The following KRR1 variants were observed in gnomAD, a reference collection of about 807,000 sequenced individuals.
KRR1 encodes KRR1 small subunit processome component.
KRR1 carries 23 observed loss-of-function variants against 50.0 expected under a neutral mutation model. The observed-to-expected ratio is 0.46, with a 90% CI of 0.33 to 0.65. The LOEUF (loss-of-function observed/expected upper bound fraction) is 0.65. Among genes scored for constraint, KRR1 ranks in the 30% least tolerant of loss-of-function variants. The pLI is 0.02. For missense variants in KRR1, 419 were observed against 442.4 expected, an observed-to-expected ratio of 0.95 and a Z score of 0.47; for synonymous variants, 133 against 146.3, an observed-to-expected ratio of 0.91 and a Z score of 0.66.
chr12:75,498,883 C>CTCTT lies in KRR1; in HGVS notation c.*922_*925dup, dbSNP rs757998994. The CTCTT allele has an allele frequency of 1.9e-6, 3 of 1,610,532 alleles. No homozygotes were observed. Among genetic ancestry groups the CTCTT allele is most frequent in the African/African-American group, 2.7e-5 (2 of 74,920 alleles). On this transcript the variant is annotated 3_prime_UTR_variant, in exon 10 of 10. Transcript: ENST00000229214. The stretch of plus-strand genomic sequence containing the variant: ...ATATCCACGTAACAGATACACTTCT[C>CTCTT]TCTTTCTCATTGTTAATTCAGTAAT...
chr12:75,498,879 TTC>T lies in KRR1; in HGVS notation c.*928_*929del. 6.2e-7 allele frequency: 1 copy of T among 1,610,640 alleles called. No individual in the cohort carries two copies. The highest frequency in any genetic ancestry group is 8.5e-7 in the Non-Finnish European group (1 of 1,177,090). The stretch of plus-strand genomic sequence containing the variant: ...CCATATATCCACGTAACAGATACAC[TTC>T]TCTCTTTCTCATTGTTAATTCAGTA... On this transcript the variant is annotated 3_prime_UTR_variant, in exon 10 of 10. Transcript: ENST00000229214.
Position 75,509,796 on chromosome 12 carries a change from T to C in KRR1, c.86-1350A>G, listed in dbSNP as rs373159024. Among the ~76,000 whole-genome samples, 107 of 151,124 alleles carry C rather than the reference T, an allele frequency of 7.1e-4. 1 individual carries two copies. The highest frequency in any genetic ancestry group is 2.5e-3 in the African/African-American group (104 of 41,022). ...TTTTTGTAGCGAAAGGGTTTTGCCA[T>C]GTTGACCAGACTGGTCTCCTGGGCT... On this transcript the variant is annotated intron_variant, in intron 1 of 9. Transcript: ENST00000229214.
At chr12:75,505,344 T>C in intron 5 of KRR1, 90 bp from the exon 6 acceptor site, 1 of 1,248,168 alleles carries the variant, frequency 8.0e-7, no homozygotes, top group South Asian at 1.5e-5. Context: ...AGGTAATGGG[T>C]ACCAAATTAA....
Position 75,496,277 on chromosome 12 carries a change from C to T in KRR1, c.*3532G>A, listed in dbSNP as rs1234601382. On this transcript the variant is annotated 3_prime_UTR_variant, in exon 10 of 10. Coordinates refer to ENST00000229214, the MANE Select transcript of KRR1 (RefSeq NM_007043.7). ...GGCTGAGGCAGGACAATCACTTGAG[C>T]CCAGGAGGTGGAGGTTGCAGTGAGC... The T allele has an allele frequency of 1.3e-5, 2 of 152,050 alleles. No homozygotes were observed. The highest frequency in any genetic ancestry group is 2.9e-5 in the Non-Finnish European group (2 of 68,158). 9.4% of individuals were successfully genotyped at this position (152,050 alleles called of 1,614,324 possible).
Position 75,498,319 on chromosome 12 carries a change from CA to C in KRR1, c.*1489del, listed in dbSNP as rs2046364284. 1 of 166,030 alleles carries C rather than the reference CA, an allele frequency of 6.0e-6. No homozygotes were observed. Among genetic ancestry groups the C allele is most frequent in the East Asian group, 1.8e-4 (1 of 5,672 alleles). 10.3% of individuals were successfully genotyped at this position (166,030 alleles called of 1,614,324 possible). A position where few individuals can be genotyped will look rare whatever the true frequency, so the allele number is the denominator to read the frequency against. ...CTTTTCACTATGGATTCATCATAAA[CA>C]GTATCATTCTTCTCAGGAAGAAACT... On this transcript the variant is annotated 3_prime_UTR_variant, in exon 10 of 10. Coordinates refer to ENST00000229214, the MANE Select transcript of KRR1 (RefSeq NM_007043.7).
chr12:75,506,600 T>G lies in KRR1; in HGVS notation c.403A>C (p.Ile135Leu). Reference sequence around the variant, plus strand: ...TCACATGCAACATCATCCTGAAGAATTCGTACTGCCTTTTGCAAAAAAAAA... The same window carrying G: ...TCACATGCAACATCATCCTGAAGAAGTCGTACTGCCTTTTGCAAAAAAAAA... ...RSVSFEQAVRILQDDVACDII... is the reference protein window; with the variant it reads ...RSVSFEQAVRLLQDDVACDII... Residue 135 changes from isoleucine to leucine, a missense_variant, in exon 4 of 10, where the codon ATT (isoleucine) becomes CTT (leucine). Transcript: ENST00000229214. 6.8e-7 allele frequency: 1 copy of G among 1,466,006 alleles called. No homozygotes were observed. Among genetic ancestry groups the G allele is most frequent in the Non-Finnish European group, 9.2e-7 (1 of 1,091,890 alleles). The allele number at this position is 1,466,006 out of a possible 1,614,324, so 90.8% of individuals were successfully genotyped here. A position where few individuals can be genotyped will look rare whatever the true frequency, so the allele number is the denominator to read the frequency against.
intron 9 of KRR1, 147 bp from the exon 10 acceptor site, chr12:75,500,098 AAAATATAAAAACACTTG>A (rs1594065285): frequency 1.1e-5 from 6 of 559,276 alleles, no homozygotes; most frequent in East Asian, 1.0e-4. Context: ...ATCACAGTAT[AAAATATAAAAACACTTG>A]CCTAAAGCAG....
rs1302281696 is a variant in KRR1 at position 75,495,811 on chromosome 12, T to A, written c.*3998A>T. The A allele has an allele frequency of 3.2e-5, 16 of 498,956 alleles. No individual in the cohort carries two copies. The highest frequency in any genetic ancestry group is 1.0e-4 in the Admixed American group (3 of 29,172). The allele number at this position is 498,956 out of a possible 1,614,324, so 30.9% of individuals were successfully genotyped here. On this transcript the variant is annotated 3_prime_UTR_variant, in exon 10 of 10. Coordinates refer to ENST00000229214, the MANE Select transcript of KRR1 (RefSeq NM_007043.7). ...CAATTAAACCAATGGCTTACTGTTC[T>A]AGGAATACATTTAAGAGAAATTTAA...
At chr12:75,506,233 A>T in intron 5 of KRR1, 83 bp downstream of exon 5, 1 of 763,584 alleles carries the variant, frequency 1.3e-6, no homozygotes, top group Non-Finnish European at 2.1e-6. Context: ...ATAAAATTAT[A>T]AAGCATTATC....
Position 75,499,840 on chromosome 12 carries a change from G to A in KRR1, c.1115C>T (p.Ala372Val). The A allele has an allele frequency of 6.2e-7, 1 of 1,603,898 alleles. No homozygotes were observed. Among genetic ancestry groups the A allele is most frequent in the Non-Finnish European group, 8.5e-7 (1 of 1,175,970 alleles). Reference sequence around the variant, plus strand: ...TTTTTTCTTCTTTTTCTTTTCATCTGCCTCCATCTTAAGTGCAATTTCTTC... The same window carrying A: ...TTTTTTCTTCTTTTTCTTTTCATCTACCTCCATCTTAAGTGCAATTTCTTC... ...TAEEIALKME[A>V]DEKKKKKKK Residue 372 changes from alanine to valine, a missense_variant, in exon 10 of 10, where the codon GCA becomes GTA. Coordinates refer to ENST00000229214, the MANE Select transcript of KRR1 (RefSeq NM_007043.7).
intron 1 of KRR1, among the ~76,000 whole-genome samples, chr12:75,511,057 G>GTCTT (rs370610456): frequency 1.9e-4 from 29 of 152,116 alleles, no homozygotes; most frequent in African/African-American, 6.7e-4. Flanking sequence ...CTTTCAAAAT[G>GTCTT]TCTTTACTGA....
In KRR1 at chr12:75,498,837, T is replaced by C. The variant is rs1160169455; in HGVS notation, c.*972A>G. The C allele has an allele frequency of 6.2e-6, 10 of 1,612,720 alleles. No individual in the cohort carries two copies. The highest frequency in any genetic ancestry group is 8.5e-6 in the Non-Finnish European group (10 of 1,179,078). ...TTTGTTTCACAGGTTACTACTCTGTTGTATATCCAGGCTGGCCCATATATC... is the reference window on the plus strand; with the variant it reads ...TTTGTTTCACAGGTTACTACTCTGTCGTATATCCAGGCTGGCCCATATATC... On this transcript the variant is annotated 3_prime_UTR_variant, in exon 10 of 10. Transcript: ENST00000229214.
chr12:75,501,535 A>AAAT (rs2046394000), intron 9 of KRR1, 188 bp downstream of exon 9: 1 of 561,620 alleles, frequency 1.8e-6, no homozygotes, highest in South Asian at 2.3e-5. Context: ...GTTTGCACTG[A>AAAT]AATAGGCATT....
rs35071517 is a variant in KRR1, at chr12:75,506,616, C to CAAAAAAAAAAAAAAAAAAAAAAAA, written c.394-8_394-7insTTTTTTTTTTTTTTTTTTTTTTTT. 2.9e-6 allele frequency: 4 copies of CAAAAAAAAAAAAAAAAAAAAAAAA among 1,372,774 alleles called. No homozygotes were observed. In the African/African-American group the frequency reaches 6.8e-5, roughly 23 times the overall value. 85.0% of individuals were successfully genotyped at this position (1,372,774 alleles called of 1,614,324 possible). A position where few individuals can be genotyped will look rare whatever the true frequency, so the allele number is the denominator to read the frequency against. ...CCTGAAGAATTCGTACTGCCTTTTG[C>CAAAAAAAAAAAAAAAAAAAAAAAA]AAAAAAAAAAAAAAAAAGAAGACAT... On this transcript the variant is annotated splice_polypyrimidine_tract_variant and splice_region_variant and intron_variant, in intron 3 of 9. Coordinates refer to ENST00000229214, the MANE Select transcript of KRR1 (RefSeq NM_007043.7).
chr12:75,493,261 C>G lies in KRR1; in HGVS notation c.*6548G>C, dbSNP rs1192007939. 6.6e-6 allele frequency: 1 copy of G among 152,162 alleles called. No individual in the cohort carries two copies. Among genetic ancestry groups the G allele is most frequent in the Non-Finnish European group, 1.5e-5 (1 of 68,030 alleles). The allele number at this position is 152,162 out of a possible 1,614,324, so 9.4% of individuals were successfully genotyped here. A position where few individuals can be genotyped will look rare whatever the true frequency, so the allele number is the denominator to read the frequency against. ...GATTAGAGGAGCATAAAAGGTAAAA[C>G]AGAGAGACCAGTTAGGAATGTCCTC... On this transcript the variant is annotated 3_prime_UTR_variant, in exon 10 of 10. Transcript: ENST00000229214.
intron 1 of KRR1, among the ~76,000 whole-genome samples, chr12:75,509,752 C>G (rs2046438282): frequency 6.6e-6 from 1 of 151,092 alleles, no homozygotes; most frequent in African/African-American, 2.5e-5. Flanking sequence ...GCCATCATGT[C>G]CGGCTAATTT....
In KRR1 at chr12:75,495,155, T is replaced by A. The variant is rs2046342996; in HGVS notation, c.*4654A>T. The A allele has an allele frequency of 6.6e-6, 1 of 152,650 alleles. No individual in the cohort carries two copies. 9.5% of individuals were successfully genotyped at this position (152,650 alleles called of 1,614,324 possible). ...ATTGAATGTGGGTCACCATAGCTTT[T>A]CTAAGATGGACAGTTTTTTAAATGG... On this transcript the variant is annotated 3_prime_UTR_variant, in exon 10 of 10. Coordinates refer to ENST00000229214, the MANE Select transcript of KRR1 (RefSeq NM_007043.7).
At position 75,493,199 on chromosome 12, in the gene KRR1, G is replaced by A. The variant is rs1315128465; in HGVS notation, c.*6610C>T. Reference sequence around the variant, plus strand: ...AGTATATTAAGCAGGGGAGCGATGAGACCTTTAAATTTGGACATCAGTCTG... The same window carrying A: ...AGTATATTAAGCAGGGGAGCGATGAAACCTTTAAATTTGGACATCAGTCTG... On this transcript the variant is annotated 3_prime_UTR_variant, in exon 10 of 10. Transcript: ENST00000229214. The A allele has an allele frequency of 6.6e-6, 1 of 152,170 alleles. No individual in the cohort carries two copies. The highest frequency in any genetic ancestry group is 1.5e-5 in the Non-Finnish European group (1 of 68,030). 9.4% of individuals were successfully genotyped at this position (152,170 alleles called of 1,614,324 possible).
At chr12:75,505,753 G>T (rs1441641020) in intron 5 of KRR1, among the ~76,000 whole-genome samples, 6 of 152,060 alleles carry the variant, frequency 3.9e-5, no homozygotes, top group Non-Finnish European at 8.8e-5. Flanking sequence ...TCACAAGCCA[G>T]ATCCAGACAG....
Sources: gnomAD v4.1 joint callset for allele counts (sites outside exome capture counted in the v4.1 genomes callset) on GRCh38, gnomAD v4.1.1 for gene constraint, MANE v1.5 for transcripts, NCBI Gene and HGNC (gene_info 2026-07-23, HGNC 2026-07-21) for gene names.